ANKRD36: variants seen among roughly 807,000 people sequenced by gnomAD.
ANKRD36 encodes the protein ankyrin repeat domain-containing protein 36A.
Under a neutral mutation model 278.1 loss-of-function variants are expected in ANKRD36, and 179 were observed. The observed-to-expected ratio is 0.64, with a 90% CI of 0.57 to 0.73. The LOEUF is 0.73. Ranked by LOEUF, ANKRD36 falls within the 30% of genes least tolerant of loss-of-function variation. ANKRD36 has a pLI of 0.00. For synonymous variants in ANKRD36, 320 were observed against 641.1 expected, an observed-to-expected ratio of 0.50 and a Z score of 7.57; for missense variants, 1,159 against 1,956.7, an observed-to-expected ratio of 0.59 and a Z score of 7.69.
At position 97,211,650 on chromosome 2, in the gene ANKRD36, T is replaced by G; in HGVS notation, c.3397-19T>G. 6.3e-7 allele frequency: 1 copy of G among 1,593,246 alleles called. No homozygotes were observed. Among genetic ancestry groups the G allele is most frequent in the Non-Finnish European group, 8.5e-7 (1 of 1,171,148 alleles). ...AATATACTTTATTTATTGACTGTTT[T>G]GTTTCAAATTCTATTCAGGCTATCT... On this transcript the variant is annotated intron_variant, in intron 57 of 75. Transcript: ENST00000420699.
chr2:97,141,221 A>G (rs1181902378), intron 6 of ANKRD36, among the ~76,000 whole-genome samples: 3 of 150,824 alleles, frequency 2.0e-5, no homozygotes, highest in East Asian at 2.0e-4. Flanking sequence ...ATTCTTGGCA[A>G]TCATGACATA....
chr2:97,138,337 A>G (rs2042048809), intron 6 of ANKRD36, among the ~76,000 whole-genome samples: 1 of 152,074 alleles, frequency 6.6e-6, no homozygotes, highest in East Asian at 1.9e-4. Context: ...CCCATACACA[A>G]TTGCTACAAA....
rs1490048123 is a variant in ANKRD36 at position 97,202,438 on chromosome 2, T to G, written c.2959+45T>G. The stretch of plus-strand genomic sequence containing the variant: ...TAATGTCATGTTCAGTCCAGGTAGA[T>G]AAGAAGTTCTCTTCCCCAAATAAAT... On this transcript the variant is annotated intron_variant, in intron 48 of 75. Transcript: ENST00000420699. 4 of 1,541,040 alleles carry G rather than the reference T, an allele frequency of 2.6e-6. No homozygotes were observed. In the Admixed American group the frequency reaches 7.9e-5, roughly 31 times the overall value.
chr2:97,196,364 T>C (rs1172936328), intron 40 of ANKRD36, among the ~76,000 whole-genome samples: 2 of 151,964 alleles, frequency 1.3e-5, no homozygotes, highest in African/African-American at 4.8e-5. Context: ...TTTCGACACA[T>C]GAGAAATCAT....
At chr2:97,195,051 G>A in intron 40 of ANKRD36, 134 bp downstream of exon 40, 10 of 1,332,158 alleles carry the variant, frequency 7.5e-6, no homozygotes, top group East Asian at 2.5e-5. Context: ...TTTCTAATAA[G>A]TTCTTGGGTT....
chr2:97,205,730 T>A (rs866518338), intron 50 of ANKRD36, among the ~76,000 whole-genome samples: 10 of 151,480 alleles, frequency 6.6e-5, no homozygotes, highest in Admixed American at 1.3e-4. Flanking sequence ...TTACCACGTT[T>A]GAAATTGTAA....
At chr2:97,171,722 T>C (rs541902608) in intron 22 of ANKRD36, among the ~76,000 whole-genome samples, 4 of 133,456 alleles carry the variant, frequency 3.0e-5, no homozygotes, top group Admixed American at 7.6e-5. Flanking sequence ...AAGTGTTCTG[T>C]AAAAAAAAAA....
At position 97,113,524 on chromosome 2, in the gene ANKRD36, C is replaced by T. The variant is rs2034152871; in HGVS notation, c.-216C>T. 2 of 602,568 alleles carry T rather than the reference C, an allele frequency of 3.3e-6. No individual in the cohort carries two copies. Among genetic ancestry groups the T allele is most frequent in the Admixed American group, 3.2e-5 (1 of 31,316 alleles). 37.3% of individuals were successfully genotyped at this position (602,568 alleles called of 1,614,324 possible). A position where few individuals can be genotyped will look rare whatever the true frequency, so the allele number is the denominator to read the frequency against. On this transcript the variant is annotated 5_prime_UTR_variant, in exon 1 of 76. Coordinates refer to ENST00000420699, the MANE Select transcript of ANKRD36 (RefSeq NM_001354587.1). ...CGCGCGAGAGCTGCTAGGGCGGTTTCTCTGCCTCGGGCCTGTTGGGCAGGG... is the reference window on the plus strand; with the variant it reads ...CGCGCGAGAGCTGCTAGGGCGGTTTTTCTGCCTCGGGCCTGTTGGGCAGGG...
Position 97,207,858 on chromosome 2 carries a change from A to G in ANKRD36, c.3192+19A>G, listed in dbSNP as rs1489291448. On this transcript the variant is annotated intron_variant, in intron 53 of 75. Transcript: ENST00000420699. ...CTTGAAGGTAATGAAACTGTCATTTATATTGTGAACTAGTAAATGTATAGT... is the reference window on the plus strand; with the variant it reads ...CTTGAAGGTAATGAAACTGTCATTTGTATTGTGAACTAGTAAATGTATAGT... 1 of 1,545,952 alleles carries G rather than the reference A, an allele frequency of 6.5e-7. No individual in the cohort carries two copies. The highest frequency in any genetic ancestry group is 8.7e-7 in the Non-Finnish European group (1 of 1,144,516).
intron 22 of ANKRD36, among the ~76,000 whole-genome samples, chr2:97,174,634 T>A (rs1030028084): frequency 2.6e-5 from 4 of 151,732 alleles, no homozygotes; most frequent in African/African-American, 9.7e-5. Flanking sequence ...TCCTGCCTAA[T>A]TGCCCTGGCC....
In ANKRD36 at chr2:97,149,406, A is replaced by AT. The variant is rs1007437200; in HGVS notation, c.1101+51dup. The AT allele has an allele frequency of 1.3e-5, 19 of 1,422,782 alleles. No individual in the cohort carries two copies. The African/African-American group carries it at 2.5e-4, about 18-fold the overall frequency. 88.1% of individuals were successfully genotyped at this position (1,422,782 alleles called of 1,614,324 possible). A position where few individuals can be genotyped will look rare whatever the true frequency, so the allele number is the denominator to read the frequency against. On this transcript the variant is annotated intron_variant, in intron 12 of 75. Transcript: ENST00000420699. Reference sequence around the variant, plus strand: ...AATTAATTTTCTCCCTCTGAATCTCATTTTTTATATTATTTTCTTCTAAAA... The same window carrying AT: ...AATTAATTTTCTCCCTCTGAATCTCATTTTTTTATATTATTTTCTTCTAAAA...
chr2:97,127,703 C>T (rs1408458255), intron 6 of ANKRD36, among the ~76,000 whole-genome samples: 1 of 151,998 alleles, frequency 6.6e-6, no homozygotes, highest in African/African-American at 2.4e-5. Flanking sequence ...GATGCTTGAA[C>T]TACTCTCAAT....
intron 68 of ANKRD36, among the ~76,000 whole-genome samples, chr2:97,235,059 T>G (rs1203615131): frequency 2.0e-5 from 3 of 149,704 alleles, no homozygotes; most frequent in Non-Finnish European, 4.4e-5. Context: ...ATTTTGCATT[T>G]TGTGTCATAT....
intron 6 of ANKRD36, among the ~76,000 whole-genome samples, chr2:97,138,435 A>AG (rs1410089125): frequency 1.3e-5 from 2 of 151,920 alleles, no homozygotes; most frequent in Non-Finnish European, 2.9e-5. Context: ...AGGAAATAAG[A>AG]GACACAAACA....
chr2:97,260,379 T>TATATATATATAC (rs1315601255), intron 75 of ANKRD36, among the ~76,000 whole-genome samples: 180 of 121,034 alleles, frequency 1.5e-3, no homozygotes, highest in African/African-American at 5.3e-3. Flanking sequence ...TATATATATA[T>TATATATATATAC]ACACACATAT....
chr2:97,180,980 G>A (rs1198052531), intron 24 of ANKRD36, among the ~76,000 whole-genome samples: 2 of 151,668 alleles, frequency 1.3e-5, no homozygotes, highest in East Asian at 3.9e-4. Flanking sequence ...ACTTTCAGAA[G>A]GCTAAACTAG....
intron 44 of ANKRD36, 112 bp from the exon 45 acceptor site, chr2:97,200,221 AG>A: frequency 6.3e-7 from 1 of 1,579,346 alleles, no homozygotes; most frequent in Non-Finnish European, 8.6e-7. Flanking sequence ...AAGCCATCAA[AG>A]CCTCCACTAA....
chr2:97,121,250 G>C (rs979680964), intron 3 of ANKRD36, among the ~76,000 whole-genome samples: 8 of 152,004 alleles, frequency 5.3e-5, no homozygotes, highest in Non-Finnish European at 1.0e-4. Context: ...CCATTAGAAT[G>C]CATGTAAGCT....
chr2:97,250,505 A>G (rs1158699783), intron 75 of ANKRD36, among the ~76,000 whole-genome samples: 4 of 117,744 alleles, frequency 3.4e-5, no homozygotes, highest in Non-Finnish European at 6.2e-5. Flanking sequence ...GGCATTATCA[A>G]CTTCTCAAGG....
Sources: gnomAD v4.1 joint callset for allele counts (sites outside exome capture counted in the v4.1 genomes callset) on GRCh38, gnomAD v4.1.1 for gene constraint, MANE v1.5 for transcripts, NCBI Gene and HGNC (gene_info 2026-07-23, HGNC 2026-07-21) for gene names.